STK32B: variants seen among roughly 807,000 people sequenced by gnomAD.
The protein encoded by STK32B is serine/threonine-protein kinase 32B.
STK32B carries 43 observed loss-of-function variants against 52.6 expected under a neutral mutation model. The ratio of observed to expected loss-of-function variants is 0.82; its 90% CI spans 0.64 to 1.05. The LOEUF is 1.05. Ranked by LOEUF, STK32B falls within the 50% of genes least tolerant of loss-of-function variation. The pLI, the probability that STK32B is intolerant of heterozygous loss-of-function variation, is 0.00. For missense variants in STK32B, 621 were observed against 534.6 expected (o/e 1.16, Z -1.59); for synonymous variants, 238 against 204.3 (o/e 1.17, Z -1.41).
chr4:5,074,792 A>G (rs1224872955), intron 1 of STK32B, among the ~76,000 whole-genome samples: 1 of 152,152 alleles, frequency 6.6e-6, no homozygotes, highest in Non-Finnish European at 1.5e-5. Flanking sequence ...TTATTCCACT[A>G]GGAAAATCAA....
intron 1 of STK32B, among the ~76,000 whole-genome samples, chr4:5,135,786 G>A (rs991909295): frequency 1.3e-5 from 2 of 152,142 alleles, no homozygotes; most frequent in African/African-American, 4.8e-5. Context: ...AGCTCAGTGT[G>A]CCCCTTTCCT....
chr4:5,444,717 A>T (rs937942382), intron 6 of STK32B, among the ~76,000 whole-genome samples: 12 of 152,202 alleles, frequency 7.9e-5, no homozygotes, highest in African/African-American at 2.2e-4. Flanking sequence ...CATCCTGCTA[A>T]ACTCTTAGTA....
chr4:5,104,673 C>T (rs1405465001), intron 1 of STK32B, among the ~76,000 whole-genome samples: 1 of 152,228 alleles, frequency 6.6e-6, no homozygotes, highest in Non-Finnish European at 1.5e-5. Flanking sequence ...AAGCCCCTTT[C>T]ATGACTCTGT....
At chr4:5,411,441 C>T (rs1177947218) in intron 5 of STK32B, among the ~76,000 whole-genome samples, 1 of 152,096 alleles carries the variant, frequency 6.6e-6, no homozygotes, top group East Asian at 1.9e-4. Flanking sequence ...CAAAAAGTAA[C>T]AATGAAACAA....
rs61184142 is a variant in STK32B, at chr4:5,400,773, G to A, written c.472+2529G>A. ...GGAGCTGATCGGCTTTTTGAGCAGA[G>A]CCTGAAGCTGGCCATTCTTGCCTTT... On this transcript the variant is annotated intron_variant, in intron 5 of 11. Coordinates refer to ENST00000282908, the MANE Select transcript of STK32B (RefSeq NM_018401.3). The surrounding 1 kb of genome is among the most constrained non-coding windows in gnomAD (Gnocchi z 6.1). Among the ~76,000 whole-genome samples, 357 of 152,308 alleles carry A rather than the reference G, an allele frequency of 2.3e-3. 2 individuals are homozygous for A. Among genetic ancestry groups the A allele is most frequent in the African/African-American group, 7.8e-3 (325 of 41,562 alleles).
intron 2 of STK32B, among the ~76,000 whole-genome samples, chr4:5,168,079 G>A (rs1447286): frequency 0.99 from 150,282 of 152,266 alleles, 74,185 homozygotes; most frequent in Middle Eastern, 1. Flanking sequence ...TACATGGCCA[G>A]TGCTCATGTC....
Position 5,312,672 on chromosome 4 carries a change from A to C in STK32B, c.261-18548A>C, listed in dbSNP as rs1577327472. On this transcript the variant is annotated intron_variant, in intron 3 of 11. Coordinates refer to ENST00000282908, the MANE Select transcript of STK32B (RefSeq NM_018401.3). ...TGGTGTATATGTGCCACATTTTCTT[A>C]ATCCAGTCTATCATTGTTGGACATT... Among the ~76,000 whole-genome samples, 5 of 151,720 alleles carry C rather than the reference A, an allele frequency of 3.3e-5. No individual in the cohort carries two copies. In the South Asian group the frequency reaches 8.4e-4, roughly 25 times the overall value.
At chr4:5,235,580 A>G (rs1724572545) in intron 3 of STK32B, among the ~76,000 whole-genome samples, 3 of 152,224 alleles carry the variant, frequency 2.0e-5, no homozygotes, top group Admixed American at 1.3e-4. Context: ...TTAGCCAAAT[A>G]TATCAGAAAT....
At chr4:5,037,257 C>A in the STK32B span, among the ~76,000 whole-genome samples, 7 of 152,284 alleles carry the variant, frequency 4.6e-5, no homozygotes, top group Non-Finnish European at 8.8e-5. Context: ...TGGGGGATCA[C>A]CCCTGTTGAG....
intron 7 of STK32B, 147 bp downstream of exon 7, chr4:5,446,923 T>G: frequency 1.5e-6 from 1 of 679,830 alleles, no homozygotes; most frequent in Non-Finnish European, 2.5e-6. Context: ...CTGATGCCTG[T>G]GTGCCGCCTA....
intron 3 of STK32B, among the ~76,000 whole-genome samples, chr4:5,328,762 G>A (rs1369482291): frequency 6.6e-6 from 1 of 152,322 alleles, no homozygotes; most frequent in African/African-American, 2.4e-5. Flanking sequence ...TGGAGGCAGG[G>A]TTGCCGCAAA....
chr4:5,042,788 A>T, the STK32B span, among the ~76,000 whole-genome samples: 2 of 152,214 alleles, frequency 1.3e-5, no homozygotes, highest in African/African-American at 4.8e-5. Context: ...GCAATAGAGT[A>T]GCCAATAGCT....
chr4:5,481,526 C>T (rs959613562), intron 11 of STK32B, among the ~76,000 whole-genome samples: 1 of 152,014 alleles, frequency 6.6e-6, no homozygotes, highest in African/African-American at 2.4e-5. Context: ...TTCTCCCATT[C>T]TCTAGGTTGC....
intron 6 of STK32B, among the ~76,000 whole-genome samples, chr4:5,422,906 T>C (rs1410997874): frequency 6.6e-6 from 1 of 152,144 alleles, no homozygotes; most frequent in Non-Finnish European, 1.5e-5. Context: ...TGGGTAACGA[T>C]AGAGAGAGGG....
intron 4 of STK32B, among the ~76,000 whole-genome samples, chr4:5,334,817 G>C (rs78996004): frequency 6.6e-6 from 1 of 151,972 alleles, no homozygotes; most frequent in African/African-American, 2.4e-5. Context: ...TTGCATCCTG[G>C]GGATGAAGCC....
At position 5,262,121 on chromosome 4, in the gene STK32B, ACT is replaced by A. The variant is rs370259201; in HGVS notation, c.261-69092_261-69091del. On this transcript the variant is annotated intron_variant, in intron 3 of 11. Coordinates refer to ENST00000282908, the MANE Select transcript of STK32B (RefSeq NM_018401.3). ...AACAGTTTCCTCCCCATGTTTGTCCACTCTCTCTGTTGGCAGACACAAGTCTA... is the reference window on the plus strand; with the variant it reads ...AACAGTTTCCTCCCCATGTTTGTCCACTCTCTGTTGGCAGACACAAGTCTA... 5.7e-3 allele frequency among the ~76,000 whole-genome samples: 857 copies of A among 151,444 alleles called. 8 individuals carry two copies. Among genetic ancestry groups the A allele is most frequent in the Non-Finnish European group, 0.011 (718 of 67,848 alleles).
chr4:5,257,835 C>T (rs1015538313), intron 3 of STK32B, among the ~76,000 whole-genome samples: 8 of 152,146 alleles, frequency 5.3e-5, no homozygotes, highest in South Asian at 2.1e-4. Flanking sequence ...CCCAGCTACT[C>T]GGGAGGCTGA....
intron 3 of STK32B, among the ~76,000 whole-genome samples, chr4:5,247,447 C>T (rs1725539193): frequency 6.6e-6 from 1 of 152,104 alleles, no homozygotes; most frequent in South Asian, 2.1e-4. Context: ...GTGGGAGTGA[C>T]CCGATTTTCC....
In STK32B at chr4:5,446,714, T is replaced by C. The variant is rs1282323915; in HGVS notation, c.604T>C (p.Tyr202His). 1 of 1,614,126 alleles carries C rather than the reference T, an allele frequency of 6.2e-7. No individual in the cohort carries two copies. The highest frequency in any genetic ancestry group is 8.5e-7 in the Non-Finnish European group (1 of 1,180,002). ...FQVYMDRGPGYSYPVDWWSLG... is the reference protein window; with the variant it reads ...FQVYMDRGPGHSYPVDWWSLG... Reference sequence around the variant, plus strand: ...GGTGTACATGGACAGAGGCCCCGGATACTCGTACCCTGTCGACTGGTGGTC... The same window carrying C: ...GGTGTACATGGACAGAGGCCCCGGACACTCGTACCCTGTCGACTGGTGGTC... The change falls in exon 7 of 12, where the codon TAC becomes CAC. Residue 202 changes from tyrosine (Y) to histidine (H), a missense_variant. By Grantham distance (83) the Tyr-to-His change is moderately conservative. Coordinates refer to ENST00000282908, the MANE Select transcript of STK32B (RefSeq NM_018401.3).
Sources: allele counts gnomAD v4.1 joint callset (sites outside exome capture counted in the v4.1 genomes callset), GRCh38; gene constraint gnomAD v4.1.1; non-coding constraint Gnocchi (gnomAD v3.1); transcripts MANE v1.5; gene names NCBI Gene and HGNC (gene_info 2026-07-23, HGNC 2026-07-21).